The following CNTNAP5 variants were observed in gnomAD, a reference collection of about 807,000 sequenced individuals.
The protein encoded by CNTNAP5 is contactin associated protein family member 5, also known as contactin-associated protein-like 5.
CNTNAP5 carries 72 observed loss-of-function variants against 150.2 expected under a neutral mutation model. The observed-to-expected ratio is 0.48, with a 90% CI of 0.40 to 0.58. The LOEUF is 0.58. Among genes scored for constraint, CNTNAP5 ranks in the 20% least tolerant of loss-of-function variants. CNTNAP5 has a pLI of 0.00. For missense variants in CNTNAP5, 1,636 were observed against 1,626.2 expected (o/e 1.01, Z -0.10); for synonymous variants, 672 against 619.8 (o/e 1.08, Z -1.25).
At chr2:124,602,253 A>G (rs1697002508) in intron 11 of CNTNAP5, among the ~76,000 whole-genome samples, 1 of 150,584 alleles carries the variant, frequency 6.6e-6, no homozygotes, top group Non-Finnish European at 1.5e-5. Context: ...GAGGCAGGAG[A>G]ATAGCTTGAA....
intron 3 of CNTNAP5, among the ~76,000 whole-genome samples, chr2:124,387,047 C>A (rs1032961447): frequency 1.3e-5 from 2 of 152,184 alleles, no homozygotes; most frequent in African/African-American, 4.8e-5. Flanking sequence ...AGAACCCCAC[C>A]ATATTGGCAC....
At chr2:124,513,307 T>C (rs758410318) in intron 8 of CNTNAP5, among the ~76,000 whole-genome samples, 1 of 152,216 alleles carries the variant, frequency 6.6e-6, no homozygotes, top group Non-Finnish European at 1.5e-5. Flanking sequence ...ACCAAACATA[T>C]GGAAACTTAT....
intron 6 of CNTNAP5, among the ~76,000 whole-genome samples, chr2:124,458,907 T>C (rs1472253516): frequency 6.6e-6 from 1 of 152,180 alleles, no homozygotes; most frequent in Non-Finnish European, 1.5e-5. Flanking sequence ...CCAACACTTA[T>C]AATATACCAT....
rs563351969 is a variant in CNTNAP5, at chr2:124,775,010, G to A, written c.2752+1993G>A. Among the ~76,000 whole-genome samples, 22 of 152,312 alleles carry A rather than the reference G, an allele frequency of 1.4e-4. 1 individual carries two copies. The highest frequency in any genetic ancestry group is 4.8e-4 in the African/African-American group (20 of 41,566). ...GCTGGAGCTGGAGCCAAGGTCAGCT[G>A]TGGCAAGAGCACCTGCTTCTGCTAT... On this transcript the variant is annotated intron_variant, in intron 17 of 23. Coordinates refer to ENST00000682447, the MANE Select transcript of CNTNAP5 (RefSeq NM_001367498.1).
At chr2:124,813,357 A>G (rs1301516753) in intron 19 of CNTNAP5, among the ~76,000 whole-genome samples, 10 of 151,094 alleles carry the variant, frequency 6.6e-5, no homozygotes, top group African/African-American at 1.9e-4. Context: ...GATTACAGGC[A>G]TGAGCCACCG....
chr2:124,495,188 T>C (rs1694116497), intron 7 of CNTNAP5, among the ~76,000 whole-genome samples: 1 of 152,178 alleles, frequency 6.6e-6, no homozygotes, highest in Non-Finnish European at 1.5e-5. Flanking sequence ...ACATATACCA[T>C]AATTTACTTA....
chr2:124,621,183 T>TTTTAACTAA (rs1677606719), intron 12 of CNTNAP5, among the ~76,000 whole-genome samples: 1 of 152,204 alleles, frequency 6.6e-6, no homozygotes, highest in Non-Finnish European at 1.5e-5. Flanking sequence ...ATTTCTTAGC[T>TTTTAACTAA]GTATACTGTT....
intron 22 of CNTNAP5, 65 bp downstream of exon 22, chr2:124,903,165 G>A: frequency 9.4e-7 from 1 of 1,068,780 alleles, no homozygotes; most frequent in African/African-American, 1.6e-5. Flanking sequence ...TCTTCAAGAA[G>A]CTTCCAGATT....
intron 10 of CNTNAP5, among the ~76,000 whole-genome samples, chr2:124,530,698 T>A (rs1695084129): frequency 6.6e-6 from 1 of 152,118 alleles, no homozygotes; most frequent in African/African-American, 2.4e-5. Context: ...ATGGGCAGGA[T>A]GGGAGAAGGA....
At chr2:124,269,532 C>T (rs1354864520) in intron 3 of CNTNAP5, among the ~76,000 whole-genome samples, 3 of 152,092 alleles carry the variant, frequency 2.0e-5, no homozygotes, top group Non-Finnish European at 4.4e-5. Context: ...TGCCTGCAAT[C>T]GCTGGGAGAG....
chr2:124,218,107 A>T (rs542032827), intron 1 of CNTNAP5, among the ~76,000 whole-genome samples: 52 of 152,274 alleles, frequency 3.4e-4, no homozygotes, highest in Admixed American at 1.4e-3. Flanking sequence ...TACATATTTT[A>T]AAAAATATAG....
rs372851425 is a variant in CNTNAP5, at chr2:124,228,833, A to C, written c.187+7024A>C. 3.3e-5 allele frequency among the ~76,000 whole-genome samples: 5 copies of C among 152,216 alleles called. No homozygotes were observed. The East Asian group carries it at 7.7e-4, about 24-fold the overall frequency. ...TGGTATCCCACTGGGTATCCCACTCAAGATGAAATTTAAATTGTAAAACCC... is the reference window on the plus strand; with the variant it reads ...TGGTATCCCACTGGGTATCCCACTCCAGATGAAATTTAAATTGTAAAACCC... On this transcript the variant is annotated intron_variant, in intron 2 of 23. Transcript: ENST00000682447.
At chr2:124,746,623 C>G (rs1680608539) in intron 13 of CNTNAP5, among the ~76,000 whole-genome samples, 2 of 152,158 alleles carry the variant, frequency 1.3e-5, no homozygotes. Flanking sequence ...GGGAGGCCAT[C>G]AGAACCAGCC....
chr2:124,183,521 A>C (rs758810581), intron 1 of CNTNAP5, among the ~76,000 whole-genome samples: 1 of 152,196 alleles, frequency 6.6e-6, no homozygotes, highest in Non-Finnish European at 1.5e-5. Context: ...ATTATATTGC[A>C]CAAGGTTGAA....
At chr2:124,225,114 T>C (rs1686422849) in intron 2 of CNTNAP5, among the ~76,000 whole-genome samples, 1 of 152,148 alleles carries the variant, frequency 6.6e-6, no homozygotes. Flanking sequence ...ATTGTGTGCC[T>C]AAGAATTACA....
chr2:124,533,751 A>G (rs1164931967), intron 10 of CNTNAP5, among the ~76,000 whole-genome samples: 1 of 152,136 alleles, frequency 6.6e-6, no homozygotes, highest in Non-Finnish European at 1.5e-5. Context: ...CCCACTACAA[A>G]CAAAGCCTTC....
At chr2:124,696,105 G>A (rs114475613) in intron 13 of CNTNAP5, among the ~76,000 whole-genome samples, 3,425 of 152,196 alleles carry the variant, frequency 0.023, 40 homozygotes, top group Middle Eastern at 0.034. Flanking sequence ...GAATCACCTC[G>A]GATGTTGGTA....
rs1693674896 is a variant in CNTNAP5 at position 124,477,732 on chromosome 2, C to T, written c.1062+2850C>T. On this transcript the variant is annotated intron_variant, in intron 7 of 23. Coordinates refer to ENST00000682447, the MANE Select transcript of CNTNAP5 (RefSeq NM_001367498.1). ...AGCACACTCATTCCTATCCCTTTCC[C>T]AATAATGTTTCAAGAAATATTTCAT... Among the ~76,000 whole-genome samples the T allele has an allele frequency of 2.7e-5, 4 of 150,820 alleles. No individual in the cohort carries two copies. In the Admixed American group the frequency reaches 2.7e-4, roughly 10 times the overall value.
At chr2:124,542,770 T>C (rs993423675) in intron 10 of CNTNAP5, among the ~76,000 whole-genome samples, 1 of 152,176 alleles carries the variant, frequency 6.6e-6, no homozygotes, top group African/African-American at 2.4e-5. Context: ...GTTCATCACG[T>C]CTACTGATGC....
Sources: allele counts gnomAD v4.1 joint callset (sites outside exome capture counted in the v4.1 genomes callset), GRCh38; gene constraint gnomAD v4.1.1; transcripts MANE v1.5; gene names NCBI Gene and HGNC (gene_info 2026-07-23, HGNC 2026-07-21).